Variants in RNF121 observed in about 807,000 individuals in gnomAD.
The protein encoded by RNF121 is E3 ubiquitin ligase RNF121.
RNF121 carries 21 observed loss-of-function variants against 46.5 expected under a neutral mutation model. The observed-to-expected ratio is 0.45, with a 90% confidence interval of 0.32 to 0.65. The LOEUF (loss-of-function observed/expected upper bound fraction) is 0.65, where lower values mean the gene tolerates loss of function less well. RNF121 is among the 30% of genes least tolerant of loss of function. RNF121 has a pLI of 0.04. For missense variants in RNF121, 346 were observed against 416.0 expected (o/e 0.83, Z 1.46); for synonymous variants, 139 against 144.7 (o/e 0.96, Z 0.28).
intron 1 of RNF121, among the ~76,000 whole-genome samples, chr11:71,933,000 G>A (rs534242633): frequency 6.6e-6 from 1 of 152,300 alleles, no homozygotes; most frequent in East Asian, 1.9e-4. Flanking sequence ...GACTGCCTAA[G>A]CTCAGTTCTG....
chr11:71,950,027 A>G (rs186080937), intron 1 of RNF121, among the ~76,000 whole-genome samples: 115 of 152,002 alleles, frequency 7.6e-4, no homozygotes, highest in African/African-American at 2.8e-3. Context: ...ACACACACAC[A>G]CACACAAAAC....
chr11:71,979,320 C>T (rs1021590268), intron 3 of RNF121, among the ~76,000 whole-genome samples: 1 of 152,158 alleles, frequency 6.6e-6, no homozygotes, highest in Admixed American at 6.5e-5. Context: ...ACTAGAACTC[C>T]GGTTTACTGG....
chr11:71,943,247 C>G (rs1054560452), intron 1 of RNF121, among the ~76,000 whole-genome samples: 5 of 152,164 alleles, frequency 3.3e-5, no homozygotes, highest in African/African-American at 9.7e-5. Context: ...AGAAAATAAT[C>G]AAGCTTGCTT....
chr11:71,931,212 C>T (rs4944232), intron 1 of RNF121, among the ~76,000 whole-genome samples: 135,213 of 152,216 alleles, frequency 0.89, 60,307 homozygotes, highest in Non-Finnish European at 0.94. Flanking sequence ...GACTTGAGAG[C>T]GTCTAGTAGT....
chr11:71,949,628 A>G lies in RNF121; in HGVS notation c.64-7599A>G, dbSNP rs1590779922. On this transcript the variant is annotated intron_variant, in intron 1 of 8. Coordinates refer to ENST00000361756, the MANE Select transcript of RNF121 (RefSeq NM_018320.5). ...CTACTTGGGAGGCTAAGGCAGAAGAATCGCTTGAACCCAGGAGACCAAGGT... is the reference window on the plus strand; with the variant it reads ...CTACTTGGGAGGCTAAGGCAGAAGAGTCGCTTGAACCCAGGAGACCAAGGT... Among the ~76,000 whole-genome samples the G allele has an allele frequency of 2.0e-5, 3 of 152,210 alleles. 1 individual carries two copies. Among genetic ancestry groups the G allele is most frequent in the Admixed American group, 2.0e-4 (3 of 15,282 alleles).
At position 71,996,301 on chromosome 11, in the gene RNF121, C is replaced by A. The variant is rs1281841664; in HGVS notation, c.970C>A (p.Leu324Met). 1 of 1,614,104 alleles carries A rather than the reference C, an allele frequency of 6.2e-7. No individual in the cohort carries two copies. The highest frequency in any genetic ancestry group is 2.2e-5 in the East Asian group (1 of 44,858). Residue 324 changes from leucine (L) to methionine (M), a missense_variant, in exon 9 of 9, where the codon CTG (leucine) becomes ATG (methionine). Around this residue, in one of 2 missense-constraint regions of RNF121, gnomAD observed 286 missense variants for 383.8 expected, o/e 0.75. Coordinates refer to ENST00000361756, the MANE Select transcript of RNF121 (RefSeq NM_018320.5). ...IGVVQGINYI[L>M]GLE Reference sequence around the variant, plus strand: ...TGTAGTCCAAGGCATCAACTACATCCTGGGCCTGGAATAGTGATGAAGAGC... The same window carrying A: ...TGTAGTCCAAGGCATCAACTACATCATGGGCCTGGAATAGTGATGAAGAGC...
chr11:71,932,977 A>AAC (rs1953309854), intron 1 of RNF121, among the ~76,000 whole-genome samples: 1 of 152,168 alleles, frequency 6.6e-6, no homozygotes, highest in Admixed American at 6.5e-5. Flanking sequence ...TCAGGTATTA[A>AAC]ACTGGCCATG....
chr11:71,938,904 A>C (rs1953491374), intron 1 of RNF121: 1 of 151,874 alleles, frequency 6.6e-6, no homozygotes, highest in South Asian at 2.1e-4. Flanking sequence ...AATACATCTA[A>C]ACTCTTTTTT....
chr11:71,942,794 AT>A (rs1953613239), intron 1 of RNF121, among the ~76,000 whole-genome samples: 1 of 56,878 alleles, frequency 1.8e-5, no homozygotes, highest in African/African-American at 7.8e-5. Context: ...ATATATAGAT[AT>A]ATATATGTAC....
chr11:71,985,456 C>T (rs1447824168), intron 4 of RNF121, among the ~76,000 whole-genome samples: 2 of 152,216 alleles, frequency 1.3e-5, no homozygotes, highest in African/African-American at 2.4e-5. Flanking sequence ...TAAAATTTCA[C>T]ATCCTTTTCA....
At chr11:71,986,710 A>G (rs1954777694) in intron 4 of RNF121, among the ~76,000 whole-genome samples, 2 of 147,654 alleles carry the variant, frequency 1.4e-5, no homozygotes, top group Non-Finnish European at 3.0e-5. Flanking sequence ...TGGAGGTTGC[A>G]GTGAGCTGAG....
chr11:71,996,450 G>A lies in RNF121; in HGVS notation c.*135G>A, dbSNP rs2134226869. 3 of 1,022,806 alleles carry A rather than the reference G, an allele frequency of 2.9e-6. No individual in the cohort carries two copies. Among genetic ancestry groups the A allele is most frequent in the Non-Finnish European group, 4.2e-6 (3 of 716,184 alleles). 63.4% of individuals were successfully genotyped at this position (1,022,806 alleles called of 1,614,324 possible). ...GGCCACTCAGGACCCCTCTGGCTGT[G>A]TCGGACTGGGGAGGGATATGATGGA... On this transcript the variant is annotated 3_prime_UTR_variant, in exon 9 of 9. Transcript: ENST00000361756.
intron 5 of RNF121, among the ~76,000 whole-genome samples, chr11:71,989,052 GGA>G (rs1954819271): frequency 6.8e-6 from 1 of 147,382 alleles, no homozygotes; most frequent in Non-Finnish European, 1.5e-5. Context: ...CTGCATTATG[GGA>G]TTCTGCATTA....
At chr11:71,929,553 T>C (rs1427813755) in intron 1 of RNF121, among the ~76,000 whole-genome samples, 1 of 152,004 alleles carries the variant, frequency 6.6e-6, no homozygotes, top group African/African-American at 2.4e-5. Context: ...CGGGAAAGAG[T>C]GCTAATCCAC....
chr11:71,950,567 C>T (rs1232374013), intron 1 of RNF121, among the ~76,000 whole-genome samples: 2 of 151,256 alleles, frequency 1.3e-5, no homozygotes, highest in Admixed American at 6.6e-5. Context: ...CTGGGCGACA[C>T]GACAGAGCAA....
chr11:71,936,421 G>A (rs929612111), intron 1 of RNF121, among the ~76,000 whole-genome samples: 2 of 150,090 alleles, frequency 1.3e-5, no homozygotes, highest in Non-Finnish European at 3.0e-5. Context: ...ACAGAGTCTC[G>A]CTCTGTCACC....
At chr11:71,962,808 T>C (rs1238656579) in intron 3 of RNF121, among the ~76,000 whole-genome samples, 2 of 152,240 alleles carry the variant, frequency 1.3e-5, no homozygotes, top group African/African-American at 2.4e-5. Flanking sequence ...AATTTTCCAT[T>C]CTGTCCTAAC....
At chr11:71,985,837 A>T (rs1478748289) in intron 4 of RNF121, among the ~76,000 whole-genome samples, 6 of 152,158 alleles carry the variant, frequency 3.9e-5, no homozygotes, top group Non-Finnish European at 7.3e-5. Flanking sequence ...TTATGCCTGT[A>T]ATCCCAGCAC....
chr11:71,980,952 C>G (rs1954637102), intron 3 of RNF121, among the ~76,000 whole-genome samples: 1 of 151,996 alleles, frequency 6.6e-6, no homozygotes, highest in Non-Finnish European at 1.5e-5. Flanking sequence ...TTCTTCTTAC[C>G]TTTTTAAAAA....
Sources: gnomAD v4.1 joint callset for allele counts (sites outside exome capture counted in the v4.1 genomes callset) on GRCh38, gnomAD v4.1.1 for gene constraint, gnomAD v4.1.1 regional missense constraint, MANE v1.5 for transcripts, NCBI Gene and HGNC (gene_info 2026-07-23, HGNC 2026-07-21) for gene names.